SKI: variants seen among roughly 807,000 people sequenced by gnomAD.
The protein encoded by SKI is ski oncogene.
In SKI, 23 loss-of-function variants were observed where a neutral mutation model predicts 59.3. That is an observed-to-expected ratio of 0.39 (90% confidence interval 0.28 to 0.55). The LOEUF is 0.55. SKI is among the 20% of genes least tolerant of loss of function. The pLI is 0.67. For missense variants in SKI, 1,017 were observed against 1,038.9 expected, an observed-to-expected ratio of 0.98 and a Z score of 0.29; for synonymous variants, 673 against 488.6, an observed-to-expected ratio of 1.38 and a Z score of -4.98.
intron 1 of SKI, among the ~76,000 whole-genome samples, chr1:2,233,091 T>G (rs1307925015): frequency 2.0e-5 from 3 of 152,172 alleles, no homozygotes; most frequent in African/African-American, 7.2e-5. Context: ...CGCGGCCCCT[T>G]GTCCCGCAGA....
In SKI at chr1:2,303,352, C is replaced by T. The variant is rs75280988; in HGVS notation, c.1163C>T (p.Ala388Val). Residue 388 changes from alanine to valine, a missense_variant, in exon 3 of 7, where the codon GCG becomes GTG. Ala to Val is a moderately conservative substitution (Grantham distance 64, BLOSUM62 0). Transcript: ENST00000378536. This position sits in a 1 kb window ranked among gnomAD's most constrained non-coding sequence, Gnocchi z 5.6. ...AFRPWSPAVS[A>V]SEKELSPHLP... is the part of the protein sequence containing the mutation. ...CGACCCTGGTCCCCCGCAGTGTCAG[C>T]GAGTGAGAAAGAGCTCTCCCCACAC... is the stretch of plus-strand genomic sequence containing the variant. 5.7e-3 allele frequency: 9,155 copies of T among 1,613,740 alleles called. 44 individuals are homozygous for T. The highest frequency in any genetic ancestry group is 6.6e-3 in the Non-Finnish European group (7,825 of 1,180,006).
In SKI at chr1:2,228,340, C is replaced by G. The variant is rs1638548007; in HGVS notation, c.-427C>G. On this transcript the variant is annotated 5_prime_UTR_variant, in exon 1 of 7. Coordinates refer to ENST00000378536, the MANE Select transcript of SKI (RefSeq NM_003036.4). ...CCCCGCTCCTCCCGGGCCCCTCGGC[C>G]TCGGCCGCCGCGGCGATTCGCGCCT... Among the ~76,000 whole-genome samples the G allele has an allele frequency of 7.0e-6, 1 of 142,962 alleles. No homozygotes were observed. Among genetic ancestry groups the G allele is most frequent in the Non-Finnish European group, 1.5e-5 (1 of 64,520 alleles). 93.8% of individuals were successfully genotyped at this position (142,962 alleles called of 152,430 possible).
rs1000603220 is a variant in SKI, at chr1:2,269,534, C to T, written c.970-33444C>T. Among the ~76,000 whole-genome samples, 5 of 152,252 alleles carry T rather than the reference C, an allele frequency of 3.3e-5. No individual in the cohort carries two copies. The highest frequency in any genetic ancestry group is 4.8e-5 in the African/African-American group (2 of 41,464). ...GCTGGGTTCATCCCCGTTCCAGGCC[C>T]GCACTAGTGGCGCCTGGTTATCAGG... On this transcript the variant is annotated intron_variant, in intron 1 of 6. Coordinates refer to ENST00000378536, the MANE Select transcript of SKI (RefSeq NM_003036.4). This position sits in a 1 kb window ranked among gnomAD's most constrained non-coding sequence, Gnocchi z 4.7.
chr1:2,268,391 G>A lies in SKI; in HGVS notation c.970-34587G>A, dbSNP rs772134450. Among the ~76,000 whole-genome samples, 18 of 152,282 alleles carry A rather than the reference G, an allele frequency of 1.2e-4. No individual in the cohort carries two copies. The highest frequency in any genetic ancestry group is 9.7e-4 in the East Asian group (5 of 5,174). On this transcript the variant is annotated intron_variant, in intron 1 of 6. Coordinates refer to ENST00000378536, the MANE Select transcript of SKI (RefSeq NM_003036.4). This position sits in a 1 kb window ranked among gnomAD's most constrained non-coding sequence, Gnocchi z 5.0. ...TGGTGCTCTGTGGCCTGGGACACCC[G>A]TGCTTCCTGCAGGCTCTGCGTGGCG...
In SKI at chr1:2,229,721, C is replaced by T. The variant is rs1178674782; in HGVS notation, c.955C>T (p.Arg319Trp). 1 of 1,567,180 alleles carries T rather than the reference C, an allele frequency of 6.4e-7. No homozygotes were observed. Among genetic ancestry groups the T allele is most frequent in the South Asian group, 1.2e-5 (1 of 86,036 alleles). ...EKFDYGNKYKRRVPRVSSEPP... is the reference protein window; with the variant it reads ...EKFDYGNKYKWRVPRVSSEPP... Reference sequence around the variant, plus strand: ...ATTCGACTATGGCAACAAGTACAAGCGGCGGGTGCCCCGGGTGAGTGGCCC... The same window carrying T: ...ATTCGACTATGGCAACAAGTACAAGTGGCGGGTGCCCCGGGTGAGTGGCCC... Residue 319 changes from arginine to tryptophan, a missense_variant, in exon 1 of 7, where the codon CGG (arginine) becomes TGG (tryptophan). Transcript: ENST00000378536. The surrounding 1 kb of genome is among the most constrained non-coding windows in gnomAD (Gnocchi z 6.3).
intron 1 of SKI, among the ~76,000 whole-genome samples, chr1:2,249,201 C>CAT (rs1639065014): frequency 6.6e-6 from 1 of 152,200 alleles, no homozygotes; most frequent in African/African-American, 2.4e-5. Context: ...TGTGTCTGAC[C>CAT]TGGGCCTGGG....
Position 2,306,765 on chromosome 1 carries a change from GATT to G in SKI, c.*1_*3del, listed in dbSNP as rs869025526. 22 of 1,511,262 alleles carry G rather than the reference GATT, an allele frequency of 1.5e-5. No individual in the cohort carries two copies. Among genetic ancestry groups the G allele is most frequent in the Non-Finnish European group, 1.8e-5 (20 of 1,133,754 alleles). 93.6% of individuals were successfully genotyped at this position (1,511,262 alleles called of 1,614,324 possible). On this transcript the variant is annotated 3_prime_UTR_variant, in exon 7 of 7. Transcript: ENST00000378536. ...AGGGCGCTGCGGAGCTGGAGCCGTA[GATT>G]CCGTGCCTGCCGCCGCAGCGCCGCC... is the stretch of plus-strand genomic sequence containing the variant.
chr1:2,283,688 C>T (rs766649224), intron 1 of SKI, among the ~76,000 whole-genome samples: 1 of 152,204 alleles, frequency 6.6e-6, no homozygotes, highest in Non-Finnish European at 1.5e-5. Flanking sequence ...CCCTCAAGTG[C>T]ATGTGGGGTG....
At position 2,265,198 on chromosome 1, in the gene SKI, C is replaced by T. The variant is rs189346839; in HGVS notation, c.969+35463C>T. On this transcript the variant is annotated intron_variant, in intron 1 of 6. Transcript: ENST00000378536. ...CCCCGTGCCGCATGTGTTTGGAGTA[C>T]GTTGTGTAGTTTTTGTCAGGTTTGG... Among the ~76,000 whole-genome samples, 199 of 152,290 alleles carry T rather than the reference C, an allele frequency of 1.3e-3. 2 individuals are homozygous for T. The highest frequency in any genetic ancestry group is 4.7e-3 in the African/African-American group (194 of 41,560).
chr1:2,261,459 C>T (rs1451401320), intron 1 of SKI, among the ~76,000 whole-genome samples: 3 of 152,238 alleles, frequency 2.0e-5, no homozygotes, highest in Non-Finnish European at 2.9e-5. Context: ...TTTTAGTGCA[C>T]AGGTTTTTAC....
At position 2,228,580 on chromosome 1, in the gene SKI, C is replaced by G. The variant is rs1638554674; in HGVS notation, c.-187C>G. On this transcript the variant is annotated 5_prime_UTR_variant, in exon 1 of 7. Transcript: ENST00000378536. ...GCGGCGGGCTCCAGCGGCGGGACCC[C>G]TTCGCCCCGCCCGCCTTCCCCTTCG... The G allele has an allele frequency of 6.7e-6, 1 of 149,894 alleles. No individual in the cohort carries two copies. 9.3% of individuals were successfully genotyped at this position (149,894 alleles called of 1,614,324 possible).
chr1:2,300,855 G>C lies in SKI; in HGVS notation c.970-2123G>C, dbSNP rs190715209. On this transcript the variant is annotated intron_variant, in intron 1 of 6. Coordinates refer to ENST00000378536, the MANE Select transcript of SKI (RefSeq NM_003036.4). The stretch of plus-strand genomic sequence containing the variant: ...AACCCTCCAGATCTGCAGGGTCCTC[G>C]GCCACCCCCCACTGAGCGGATTGGG... Among the ~76,000 whole-genome samples the C allele has an allele frequency of 2.6e-5, 4 of 152,206 alleles. No individual in the cohort carries two copies. The South Asian group carries it at 8.3e-4, about 32-fold the overall frequency.
In SKI at chr1:2,229,187, G is replaced by A; in HGVS notation, c.421G>A (p.Ala141Thr). 1 of 1,611,226 alleles carries A rather than the reference G, an allele frequency of 6.2e-7. No homozygotes were observed. Among genetic ancestry groups the A allele is most frequent in the South Asian group, 1.1e-5 (1 of 90,816 alleles). ...LRDFSLQQINAVCDELHIYCS... is the reference protein window; with the variant it reads ...LRDFSLQQINTVCDELHIYCS... The stretch of plus-strand genomic sequence containing the variant: ...CGACTTCTCGCTGCAGCAGATCAAC[G>A]CGGTGTGCGACGAGCTCCACATCTA... Residue 141 changes from alanine (A) to threonine (T), a missense_variant, in exon 1 of 7, where the codon GCG becomes ACG. Ala to Thr is a moderately conservative substitution (Grantham distance 58). Transcript: ENST00000378536. The surrounding 1 kb of genome is among the most constrained non-coding windows in gnomAD (Gnocchi z 6.3).
In SKI at chr1:2,236,553, C is replaced by T. The variant is rs12029145; in HGVS notation, c.969+6818C>T. Among the ~76,000 whole-genome samples the T allele has an allele frequency of 2.8e-3, 420 of 152,228 alleles. 17 individuals carry two copies. In the East Asian group the frequency reaches 0.075, roughly 27 times the overall value. On this transcript the variant is annotated intron_variant, in intron 1 of 6. Coordinates refer to ENST00000378536, the MANE Select transcript of SKI (RefSeq NM_003036.4). The stretch of plus-strand genomic sequence containing the variant: ...TCCTGAGCAGCTGGGACTACAGGTG[C>T]GTGCCACCACGCCTGGCTAATTTTT...
rs112413214 is a variant in SKI, at chr1:2,309,937, CTTT to C, written c.*3180_*3182del. The stretch of plus-strand genomic sequence containing the variant: ...GCTTTAAGTCAGGAGTCACAAATGA[CTTT>C]TTTTTTTCAATTAAGGAAAAAGCTC... On this transcript the variant is annotated 3_prime_UTR_variant, in exon 7 of 7. Transcript: ENST00000378536. 3.6e-5 allele frequency: 4 copies of C among 111,584 alleles called. No individual in the cohort carries two copies. The highest frequency in any genetic ancestry group is 1.5e-4 in the African/African-American group (4 of 26,636). The allele number at this position is 111,584 out of a possible 1,614,324, so 6.9% of individuals were successfully genotyped here.
At chr1:2,282,466 T>TGGTGGAGATCTTCAGAGAGAGGATGCCC (rs1639913313) in intron 1 of SKI, among the ~76,000 whole-genome samples, 1 of 42,612 alleles carries the variant, frequency 2.3e-5, no homozygotes. Flanking sequence ...AGAGGACGCC[T>TGGTGGAGATCTTCAGAGAGAGGATGCCC]GAGAAGACAG....
chr1:2,265,323 CT>C (rs1235035076), intron 1 of SKI, among the ~76,000 whole-genome samples: 4 of 151,620 alleles, frequency 2.6e-5, no homozygotes, highest in Non-Finnish European at 5.9e-5. Flanking sequence ...CTTCTGGATT[CT>C]TTTTTTTCCT....
chr1:2,256,544 G>GT (rs1298948733), intron 1 of SKI, among the ~76,000 whole-genome samples: 3 of 152,222 alleles, frequency 2.0e-5, no homozygotes, highest in Non-Finnish European at 4.4e-5. Flanking sequence ...GATTCTAGGG[G>GT]TTCCCCTCCT....
chr1:2,230,963 A>G (rs924060859), intron 1 of SKI, among the ~76,000 whole-genome samples: 10 of 152,004 alleles, frequency 6.6e-5, no homozygotes, highest in South Asian at 2.1e-4. Flanking sequence ...CGGAGGGTGC[A>G]TGTGTGTGTG....
Sources: allele counts gnomAD v4.1 joint callset (sites outside exome capture counted in the v4.1 genomes callset), GRCh38; gene constraint gnomAD v4.1.1; non-coding constraint Gnocchi (gnomAD v3.1); transcripts MANE v1.5; gene names NCBI Gene and HGNC (gene_info 2026-07-23, HGNC 2026-07-21).